The following STEAP1B variants were observed in gnomAD, a reference collection of about 807,000 sequenced individuals.
STEAP1B encodes the protein STEAP family protein MGC87042.
Under a neutral mutation model 27.9 loss-of-function variants are expected in STEAP1B, and 13 were observed. The ratio of observed to expected loss-of-function variants is 0.47; its 90% CI spans 0.30 to 0.74. STEAP1B has a LOEUF of 0.74. Among genes scored for constraint, STEAP1B ranks in the 30% least tolerant of loss-of-function variants. The pLI, the probability that STEAP1B is intolerant of heterozygous loss-of-function variation, is 0.06. For synonymous variants in STEAP1B, 86 were observed against 107.1 expected, an observed-to-expected ratio of 0.80 and a Z score of 1.22; for missense variants, 250 against 298.7, an observed-to-expected ratio of 0.84 and a Z score of 1.20.
intron 4 of STEAP1B, among the ~76,000 whole-genome samples, chr7:22,451,909 A>G (rs1224827733): frequency 6.6e-6 from 1 of 152,108 alleles, no homozygotes; most frequent in African/African-American, 2.4e-5. Flanking sequence ...TCTTAGAACG[A>G]GTTTGGAAGT....
At chr7:22,457,970 C>G (rs991488758) in intron 4 of STEAP1B, among the ~76,000 whole-genome samples, 2 of 152,228 alleles carry the variant, frequency 1.3e-5, no homozygotes, top group African/African-American at 4.8e-5. Flanking sequence ...CCACCATTTC[C>G]CATCCCAGCC....
chr7:22,435,583 A>C (rs953045624), intron 4 of STEAP1B, among the ~76,000 whole-genome samples: 1 of 152,222 alleles, frequency 6.6e-6, no homozygotes, highest in African/African-American at 2.4e-5. Context: ...TAGTAACATC[A>C]GTCTCCACCT....
Position 22,500,126 on chromosome 7 carries a change from G to A in STEAP1B, c.-44C>T, listed in dbSNP as rs1786511511. On this transcript the variant is annotated 5_prime_UTR_variant, in exon 1 of 5. The change creates a new upstream start codon in the 5' untranslated region. Coordinates refer to ENST00000678116, the MANE Select transcript of STEAP1B (RefSeq NM_001382447.1). ...TCAAGGGACTCACCCACTCCTCGCC[G>A]TAGCTTGACCGTGAGTCTCAGCTGC... 1.3e-5 allele frequency: 2 copies of A among 153,600 alleles called. No homozygotes were observed. The highest frequency in any genetic ancestry group is 2.4e-5 in the African/African-American group (1 of 41,516). The allele number at this position is 153,600 out of a possible 1,614,324, so 9.5% of individuals were successfully genotyped here.
intron 4 of STEAP1B, among the ~76,000 whole-genome samples, chr7:22,491,128 G>A (rs1786313738): frequency 6.6e-6 from 1 of 152,226 alleles, no homozygotes; most frequent in African/African-American, 2.4e-5. Context: ...CATCGTTTTA[G>A]AATTGGAGTA....
At chr7:22,489,944 C>T (rs1307424669) in intron 4 of STEAP1B, among the ~76,000 whole-genome samples, 1 of 142,412 alleles carries the variant, frequency 7.0e-6, no homozygotes, top group Non-Finnish European at 1.5e-5. Flanking sequence ...AATAAAAGTG[C>T]TGAATTATTT....
intron 4 of STEAP1B, among the ~76,000 whole-genome samples, chr7:22,467,103 C>T (rs1785799040): frequency 6.6e-6 from 1 of 152,180 alleles, no homozygotes; most frequent in African/African-American, 2.4e-5. Context: ...TTTCCACCTG[C>T]CAGCATGCCA....
intron 4 of STEAP1B, among the ~76,000 whole-genome samples, chr7:22,433,824 G>T (rs1785220854): frequency 1.3e-5 from 2 of 152,298 alleles, no homozygotes; most frequent in South Asian, 4.1e-4. Flanking sequence ...CAAAACTGCT[G>T]GGCTTTGTCA....
At chr7:22,459,765 AC>A (rs1338430166) in intron 4 of STEAP1B, among the ~76,000 whole-genome samples, 3 of 151,846 alleles carry the variant, frequency 2.0e-5, no homozygotes, top group Non-Finnish European at 2.9e-5. Context: ...CTCCATCCTT[AC>A]CCCCGTTATG....
In STEAP1B at chr7:22,453,420, A is replaced by T. The variant is rs1322644688; in HGVS notation, c.763-33584T>A. Among the ~76,000 whole-genome samples, 5 of 147,806 alleles carry T rather than the reference A, an allele frequency of 3.4e-5. No individual in the cohort carries two copies. In the East Asian group the frequency reaches 1.0e-3, roughly 30 times the overall value. On this transcript the variant is annotated intron_variant, in intron 4 of 4. Transcript: ENST00000678116. ...ACTCTACAGAGACCCCTTTGCAGTC[A>T]TTGGCCTCAGGGAGGTTGTAAAGTA... is the stretch of plus-strand genomic sequence containing the variant.
intron 1 of STEAP1B, among the ~76,000 whole-genome samples, chr7:22,498,558 G>A (rs1211150402): frequency 6.6e-6 from 1 of 152,158 alleles, no homozygotes; most frequent in Non-Finnish European, 1.5e-5. Flanking sequence ...ACTATATTGT[G>A]AACAACAATG....
chr7:22,434,366 T>C (rs983100857), intron 4 of STEAP1B, among the ~76,000 whole-genome samples: 2 of 152,222 alleles, frequency 1.3e-5, no homozygotes, highest in Admixed American at 6.5e-5. Flanking sequence ...CCCAGAGTCA[T>C]GACTCTGCTG....
intron 4 of STEAP1B, among the ~76,000 whole-genome samples, chr7:22,465,284 T>C (rs1339077815): frequency 1.3e-5 from 2 of 152,050 alleles, no homozygotes; most frequent in South Asian, 2.1e-4. Flanking sequence ...AAATTTTCCA[T>C]GTAATATTTT....
At chr7:22,488,808 T>A (rs995537306) in intron 4 of STEAP1B, among the ~76,000 whole-genome samples, 1 of 152,190 alleles carries the variant, frequency 6.6e-6, no homozygotes, top group African/African-American at 2.4e-5. Flanking sequence ...ACCCCAGTCA[T>A]GCAGCCCTCA....
At chr7:22,476,357 A>C (rs980955174) in intron 4 of STEAP1B, among the ~76,000 whole-genome samples, 1 of 152,200 alleles carries the variant, frequency 6.6e-6, no homozygotes, top group Admixed American at 6.5e-5. Context: ...ACTTATACAC[A>C]GGGATGGCCC....
intron 4 of STEAP1B, among the ~76,000 whole-genome samples, chr7:22,435,307 T>A (rs965685596): frequency 6.6e-6 from 1 of 151,592 alleles, no homozygotes; most frequent in Non-Finnish European, 1.5e-5. Context: ...AGTGTAACCA[T>A]AAGGCAAGGT....
intron 4 of STEAP1B, among the ~76,000 whole-genome samples, chr7:22,452,415 A>G (rs1049446256): frequency 3.3e-5 from 5 of 151,916 alleles, no homozygotes; most frequent in Non-Finnish European, 7.4e-5. Flanking sequence ...CTATTGGCAG[A>G]CAATCCCCCC....
rs532377831 is a variant in STEAP1B at position 22,449,911 on chromosome 7, T to C, written c.763-30075A>G. On this transcript the variant is annotated intron_variant, in intron 4 of 4. Transcript: ENST00000678116. ...CTGATGATCAGTGATGTCGAGCACC[T>C]TTTCATATGCCTGTCTGCCATTTGT... Among the ~76,000 whole-genome samples, 6 of 152,384 alleles carry C rather than the reference T, an allele frequency of 3.9e-5. No homozygotes were observed. The South Asian group carries it at 1.2e-3, about 32-fold the overall frequency.
intron 4 of STEAP1B, among the ~76,000 whole-genome samples, chr7:22,486,623 G>T (rs749108309): frequency 3.3e-5 from 5 of 152,130 alleles, no homozygotes; most frequent in Non-Finnish European, 7.4e-5. Context: ...CTCTGGTCCT[G>T]ACCAGTTCTC....
intron 4 of STEAP1B, among the ~76,000 whole-genome samples, chr7:22,429,475 C>A (rs1785151396): frequency 6.6e-6 from 1 of 152,254 alleles, no homozygotes; most frequent in Admixed American, 6.5e-5. Context: ...AGGTTCCCCC[C>A]AGTAGATGTC....
Sources: gnomAD v4.1 joint callset for allele counts (sites outside exome capture counted in the v4.1 genomes callset) on GRCh38, gnomAD v4.1.1 for gene constraint, MANE v1.5 for transcripts, NCBI Gene and HGNC (gene_info 2026-07-23, HGNC 2026-07-21) for gene names.